ACOXL: variants seen among roughly 807,000 people sequenced by gnomAD.
ACOXL encodes the protein acyl-coenzyme A oxidase-like protein.
Under a neutral mutation model 71.9 loss-of-function variants are expected in ACOXL, and 70 were observed. The observed-to-expected ratio is 0.97, with a 90% CI of 0.80 to 1.19. The LOEUF (loss-of-function observed/expected upper bound fraction) is 1.19, where lower values mean the gene tolerates loss of function less well. ACOXL is among the 50% of genes most tolerant of loss of function. The pLI, the probability that ACOXL is intolerant of heterozygous loss-of-function variation, is 0.00. For synonymous variants in ACOXL, 253 were observed against 281.6 expected (o/e 0.90, Z 1.02); for missense variants, 703 against 736.3 (o/e 0.95, Z 0.52).
At chr2:111,089,001 C>G (rs1412982520) in intron 16 of ACOXL, among the ~76,000 whole-genome samples, 1 of 152,076 alleles carries the variant, frequency 6.6e-6, no homozygotes, top group Non-Finnish European at 1.5e-5. Flanking sequence ...AATCAGATTA[C>G]TAGAAGAGAA....
chr2:110,769,263 A>AAAG (rs1293703503), intron 2 of ACOXL, among the ~76,000 whole-genome samples: 2 of 151,784 alleles, frequency 1.3e-5, no homozygotes, highest in East Asian at 4.0e-4. Flanking sequence ...AGAAAGAAAG[A>AAAG]AAAAAATACA....
intron 9 of ACOXL, among the ~76,000 whole-genome samples, chr2:110,823,457 T>A (rs1171620644): frequency 6.6e-6 from 1 of 152,222 alleles, no homozygotes; most frequent in Admixed American, 6.5e-5. Context: ...CATAAGTTTT[T>A]AAAATCATTT....
intron 15 of ACOXL, among the ~76,000 whole-genome samples, chr2:111,043,848 C>G (rs545381636): frequency 1.3e-5 from 2 of 152,322 alleles, no homozygotes; most frequent in African/African-American, 4.8e-5. Flanking sequence ...CTGGCTTCCT[C>G]ATCTTCACTG....
At chr2:111,100,479 C>T (rs1309817859) in intron 17 of ACOXL, 2 of 152,652 alleles carry the variant, frequency 1.3e-5, no homozygotes, top group African/African-American at 4.8e-5. Flanking sequence ...TGATTGTAAC[C>T]ATGTCCAAGA....
chr2:110,794,199 C>T (rs749285892), intron 5 of ACOXL, 25 bp downstream of exon 5: 30 of 1,601,724 alleles, frequency 1.9e-5, no homozygotes, highest in African/African-American at 8.0e-5. Context: ...CTTCTCCTGC[C>T]GTGCAGGGGA....
intron 12 of ACOXL, among the ~76,000 whole-genome samples, chr2:110,935,333 C>A (rs1238153039): frequency 6.6e-6 from 1 of 152,162 alleles, no homozygotes; most frequent in Non-Finnish European, 1.5e-5. Flanking sequence ...CACCCCCAGG[C>A]CTTCATAGCC....
At chr2:111,042,565 G>A (rs2149797777) in intron 15 of ACOXL, among the ~76,000 whole-genome samples, 1 of 152,344 alleles carries the variant, frequency 6.6e-6, no homozygotes, top group South Asian at 2.1e-4. Flanking sequence ...GCTTGAACAG[G>A]GAATGACAAG....
chr2:110,970,580 G>A (rs2062142067), intron 12 of ACOXL, among the ~76,000 whole-genome samples: 1 of 152,222 alleles, frequency 6.6e-6, no homozygotes, highest in South Asian at 2.1e-4. Context: ...AAAAAGGCAA[G>A]AATGTCCACT....
At chr2:111,108,708 C>T (rs778420271) in intron 17 of ACOXL, among the ~76,000 whole-genome samples, 1 of 152,122 alleles carries the variant, frequency 6.6e-6, no homozygotes, top group Non-Finnish European at 1.5e-5. Context: ...TGCAGTTCAG[C>T]GAGTTTTGAC....
chr2:110,927,055 G>T (rs1558740805), intron 11 of ACOXL, among the ~76,000 whole-genome samples: 2 of 152,172 alleles, frequency 1.3e-5, no homozygotes, highest in Non-Finnish European at 2.9e-5. Context: ...CTAACAGGAA[G>T]CATGACTAGG....
chr2:110,981,720 A>T lies in ACOXL; in HGVS notation c.1060-5388A>T, dbSNP rs2062715213. Among the ~76,000 whole-genome samples, 3 of 152,290 alleles carry T rather than the reference A, an allele frequency of 2.0e-5. No individual in the cohort carries two copies. In the South Asian group the frequency reaches 6.2e-4, roughly 32 times the overall value. ...TTTCCCCAGTCCTCATAGTAAAGGG[A>T]TCCACTTTTAACTTGCTGTGCTTCT... On this transcript the variant is annotated intron_variant, in intron 12 of 17. Transcript: ENST00000439055.
intron 1 of ACOXL, among the ~76,000 whole-genome samples, chr2:110,766,903 C>T (rs1681149342): frequency 6.6e-6 from 1 of 152,208 alleles, no homozygotes; most frequent in Non-Finnish European, 1.5e-5. Flanking sequence ...AGGTCGGGAA[C>T]TCAGACACTC....
intron 10 of ACOXL, among the ~76,000 whole-genome samples, chr2:110,845,508 A>T (rs1211345017): frequency 6.6e-6 from 1 of 152,204 alleles, no homozygotes; most frequent in Non-Finnish European, 1.5e-5. Flanking sequence ...ACTGCTGTGC[A>T]ATCAACACCA....
chr2:110,959,912 T>C (rs2061637583), intron 12 of ACOXL, among the ~76,000 whole-genome samples: 1 of 152,132 alleles, frequency 6.6e-6, no homozygotes, highest in African/African-American at 2.4e-5. Context: ...AGGCAGGGGT[T>C]GGGGACAGGT....
At position 110,821,976 on chromosome 2, in the gene ACOXL, C is replaced by T. The variant is rs1303580008; in HGVS notation, c.753+16581C>T. Among the ~76,000 whole-genome samples, 9 of 151,072 alleles carry T rather than the reference C, an allele frequency of 6.0e-5. No individual in the cohort carries two copies. In the South Asian group the frequency reaches 6.3e-4, roughly 11 times the overall value. On this transcript the variant is annotated intron_variant, in intron 9 of 17. Coordinates refer to ENST00000439055, the MANE Select transcript of ACOXL (RefSeq NM_001142807.4). Reference sequence around the variant, plus strand: ...ATGTGAGTGTGTGTGTGAGTGTGTGCGTGCGTGTGTGTATGTGCATGTATA... The same window carrying T: ...ATGTGAGTGTGTGTGTGAGTGTGTGTGTGCGTGTGTGTATGTGCATGTATA...
At chr2:111,115,044 TA>T (rs1472245764) in intron 17 of ACOXL, among the ~76,000 whole-genome samples, 1 of 152,216 alleles carries the variant, frequency 6.6e-6, no homozygotes, top group Non-Finnish European at 1.5e-5. Flanking sequence ...GGTTTGACCT[TA>T]AAAAATGTTT....
At chr2:111,041,071 T>C (rs2065757593) in intron 15 of ACOXL, among the ~76,000 whole-genome samples, 1 of 151,594 alleles carries the variant, frequency 6.6e-6, no homozygotes, top group African/African-American at 2.4e-5. Context: ...GGCCTCCAGG[T>C]GGAGGGTGAG....
At chr2:110,948,429 C>T (rs960252840) in intron 12 of ACOXL, among the ~76,000 whole-genome samples, 1 of 152,178 alleles carries the variant, frequency 6.6e-6, no homozygotes, top group South Asian at 2.1e-4. Context: ...ACATTCAACA[C>T]CACCTCATTT....
chr2:110,805,492 G>A, intron 9 of ACOXL, 97 bp downstream of exon 9: 1 of 1,539,698 alleles, frequency 6.5e-7, no homozygotes, highest in Admixed American at 1.8e-5. Context: ...TGGAGCCACA[G>A]TTGGTATAAT....
Sources: gnomAD v4.1 joint callset for allele counts (sites outside exome capture counted in the v4.1 genomes callset) on GRCh38, gnomAD v4.1.1 for gene constraint, MANE v1.5 for transcripts, NCBI Gene and HGNC (gene_info 2026-07-23, HGNC 2026-07-21) for gene names.